The following PGAP1 variants were observed in gnomAD, a reference collection of about 807,000 sequenced individuals.
PGAP1 encodes post-GPI attachment to proteins inositol deacylase 1, also known as GPI inositol-deacylase.
In PGAP1, 76 loss-of-function variants were observed where a neutral mutation model predicts 127.0. That is an observed-to-expected ratio of 0.60 (90% CI 0.50 to 0.72). The LOEUF is 0.72. Ranked by LOEUF, PGAP1 falls within the 30% of genes least tolerant of loss-of-function variation. The pLI is 0.00. For synonymous variants in PGAP1, 362 were observed against 366.5 expected (o/e 0.99, Z 0.14); for missense variants, 982 against 1,071.3 (o/e 0.92, Z 1.16).
chr2:196,885,843 G>C lies in PGAP1; in HGVS notation c.1211C>G (p.Thr404Ser). 1 of 1,419,408 alleles carries C rather than the reference G, an allele frequency of 7.0e-7. No homozygotes were observed. The highest frequency in any genetic ancestry group is 9.2e-7 in the Non-Finnish European group (1 of 1,082,790). 87.9% of individuals were successfully genotyped at this position (1,419,408 alleles called of 1,614,324 possible). The change falls in exon 11 of 27, where the codon ACT (threonine) becomes AGT (serine). Residue 404 changes from threonine to serine, a missense_variant. By Grantham distance (58) the Thr-to-Ser change is moderately conservative (BLOSUM62 1). Coordinates refer to ENST00000354764, the MANE Select transcript of PGAP1 (RefSeq NM_024989.4). ...CATTCAAAAGACTTACCACATAGAA[G>C]TGCTGTTTATGCAAGCAAAAATCCA... is the stretch of plus-strand genomic sequence containing the variant. ...NSWIFACINS[T>S]SMCLQGVDLS...
At chr2:196,923,670 T>C (rs570537481) in intron 1 of PGAP1, among the ~76,000 whole-genome samples, 2 of 151,738 alleles carry the variant, frequency 1.3e-5, no homozygotes, top group African/African-American at 4.8e-5. Context: ...TTCTTTCTTT[T>C]TTTTTTTTTT....
chr2:196,833,514 A>C lies in PGAP1; in HGVS notation c.*7720T>G, dbSNP rs1255340220. 1 of 152,158 alleles carries C rather than the reference A, an allele frequency of 6.6e-6. No homozygotes were observed. The highest frequency in any genetic ancestry group is 1.5e-5 in the Non-Finnish European group (1 of 68,000). 9.4% of individuals were successfully genotyped at this position (152,158 alleles called of 1,614,324 possible). A position where few individuals can be genotyped will look rare whatever the true frequency, so the allele number is the denominator to read the frequency against. Reference sequence around the variant, plus strand: ...CATAACACATAGGTTGTCCTCTATAAATTTTTTAACTATAGTATAAAAATT... The same window carrying C: ...CATAACACATAGGTTGTCCTCTATACATTTTTTAACTATAGTATAAAAATT... On this transcript the variant is annotated 3_prime_UTR_variant, in exon 27 of 27. Coordinates refer to ENST00000354764, the MANE Select transcript of PGAP1 (RefSeq NM_024989.4).
At chr2:196,891,132 G>A (rs547439381) in intron 9 of PGAP1, among the ~76,000 whole-genome samples, 60 of 152,288 alleles carry the variant, frequency 3.9e-4, no homozygotes, top group African/African-American at 1.4e-3. Context: ...GTATCAGTGT[G>A]AATGTACTTT....
chr2:196,892,956 C>T lies in PGAP1; in HGVS notation c.1033+184G>A, dbSNP rs1702150632. The stretch of plus-strand genomic sequence containing the variant: ...AATCTCTTACATGTTGCTTCTTTTT[C>T]CCTTCCTAACCAAGAACTGCACCAG... On this transcript the variant is annotated intron_variant, in intron 8 of 26. Transcript: ENST00000354764. 2.0e-5 allele frequency among the ~76,000 whole-genome samples: 3 copies of T among 151,922 alleles called. No homozygotes were observed. In the South Asian group the frequency reaches 6.2e-4, roughly 32 times the overall value.
Position 196,921,052 on chromosome 2 carries a change from C to T in PGAP1, c.148-902G>A, listed in dbSNP as rs148143133. Reference sequence around the variant, plus strand: ...TAAGAGTGAAACCAATTACATTGGACGGTAATGTCTATTTAGGTATACATA... The same window carrying T: ...TAAGAGTGAAACCAATTACATTGGATGGTAATGTCTATTTAGGTATACATA... On this transcript the variant is annotated intron_variant, in intron 1 of 26. Transcript: ENST00000354764. Among the ~76,000 whole-genome samples, 200 of 151,900 alleles carry T rather than the reference C, an allele frequency of 1.3e-3. 1 individual carries two copies. The highest frequency in any genetic ancestry group is 2.1e-3 in the Non-Finnish European group (145 of 67,914).
At chr2:196,924,207 A>G (rs1381382405) in intron 1 of PGAP1, among the ~76,000 whole-genome samples, 1 of 152,180 alleles carries the variant, frequency 6.6e-6, no homozygotes, top group Non-Finnish European at 1.5e-5. Context: ...CCACCTTTCT[A>G]TTTCTGCTGG....
chr2:196,869,929 AAC>A (rs952918540), intron 19 of PGAP1, among the ~76,000 whole-genome samples: 1 of 152,220 alleles, frequency 6.6e-6, no homozygotes, highest in Non-Finnish European at 1.5e-5. Flanking sequence ...TGCAAAATAC[AAC>A]AGACCAAAAA....
intron 14 of PGAP1, among the ~76,000 whole-genome samples, chr2:196,874,507 G>A (rs902995876): frequency 6.6e-6 from 1 of 152,044 alleles, no homozygotes; most frequent in Non-Finnish European, 1.5e-5. Flanking sequence ...TATTCTCAAA[G>A]TATGTCACCC....
chr2:196,867,116 A>G (rs1006696315), intron 19 of PGAP1, among the ~76,000 whole-genome samples: 6 of 152,220 alleles, frequency 3.9e-5, no homozygotes, highest in Non-Finnish European at 5.9e-5. Flanking sequence ...CATTTCACCT[A>G]GCAATCCCAT....
chr2:196,881,927 T>C (rs141891734), intron 12 of PGAP1, among the ~76,000 whole-genome samples: 1 of 152,304 alleles, frequency 6.6e-6, no homozygotes, highest in Non-Finnish European at 1.5e-5. Flanking sequence ...TCTTTGCCCA[T>C]TCCTATGTCC....
At position 196,916,538 on chromosome 2, in the gene PGAP1, G is replaced by A. The variant is rs1703015333; in HGVS notation, c.357C>T (p.Tyr119=). The A allele has an allele frequency of 6.2e-7, 1 of 1,613,304 alleles. No individual in the cohort carries two copies. The highest frequency in any genetic ancestry group is 1.3e-5 in the African/African-American group (1 of 74,872). The change falls in exon 3 of 27, where the codon TAC becomes TAT. Residue 119 remains tyrosine (Y), a synonymous_variant. Transcript: ENST00000354764. The part of the protein sequence containing the change: ...LRKAEDIDFK[Y]HFDFFSVNFN... Reference sequence around the variant, plus strand: ...AGTTCACACTAAAGAAGTCAAAGTGGTACTTGAAGTCAATGTCCTCTGCTT... The same window carrying A: ...AGTTCACACTAAAGAAGTCAAAGTGATACTTGAAGTCAATGTCCTCTGCTT...
intron 1 of PGAP1, among the ~76,000 whole-genome samples, chr2:196,924,613 G>T (rs912718216): frequency 6.6e-6 from 1 of 152,052 alleles, no homozygotes; most frequent in African/African-American, 2.4e-5. Flanking sequence ...AAAAACTTCT[G>T]CCACTGTGAT....
At chr2:196,892,318 A>G in intron 9 of PGAP1, 28 bp downstream of exon 9, 1 of 1,200,026 alleles carries the variant, frequency 8.3e-7, no homozygotes, top group South Asian at 1.4e-5. Flanking sequence ...AAAAAACATG[A>G]AAAAAAATCC....
intron 3 of PGAP1, among the ~76,000 whole-genome samples, chr2:196,915,802 C>T (rs879854709): frequency 2.0e-5 from 3 of 152,196 alleles, no homozygotes; most frequent in Admixed American, 2.0e-4. Flanking sequence ...GAAAAACATA[C>T]ATTTTTAGAG....
At chr2:196,860,338 C>T (rs1302763857) in intron 20 of PGAP1, among the ~76,000 whole-genome samples, 3 of 152,058 alleles carry the variant, frequency 2.0e-5, no homozygotes, top group Non-Finnish European at 4.4e-5. Context: ...TTGAGACCAG[C>T]CTGGCCAACA....
chr2:196,866,243 A>G (rs1434168544), intron 19 of PGAP1, among the ~76,000 whole-genome samples: 1 of 152,210 alleles, frequency 6.6e-6, no homozygotes, highest in East Asian at 1.9e-4. Context: ...TACAGTAACC[A>G]AAACAATATG....
chr2:196,916,453 G>A lies in PGAP1; in HGVS notation c.442C>T (p.His148Tyr), dbSNP rs1364134988. 1.2e-6 allele frequency: 2 copies of A among 1,612,878 alleles called. No individual in the cohort carries two copies. Among genetic ancestry groups the A allele is most frequent in the South Asian group, 1.1e-5 (1 of 90,890 alleles). The change falls in exon 3 of 27, where the codon CAT becomes TAT. Residue 148 changes from histidine (H) to tyrosine (Y), a missense_variant. Coordinates refer to ENST00000354764, the MANE Select transcript of PGAP1 (RefSeq NM_024989.4). ...GSLQKQTKFV[H>Y]ECIKTILKLY... ...TTGAGAATTGTTTTAATACATTCATGTACAAACTTGGTCTGCTTCTGAAGA... is the reference window on the plus strand; with the variant it reads ...TTGAGAATTGTTTTAATACATTCATATACAAACTTGGTCTGCTTCTGAAGA...
chr2:196,833,671 G>A lies in PGAP1; in HGVS notation c.*7563C>T, dbSNP rs1001277354. On this transcript the variant is annotated 3_prime_UTR_variant, in exon 27 of 27. Coordinates refer to ENST00000354764, the MANE Select transcript of PGAP1 (RefSeq NM_024989.4). ...AGAGAAATCTATATTTTTGTCTGGC[G>A]AGTAGGTAGTGGAGGTAAAATGGGA... 2 of 152,040 alleles carry A rather than the reference G, an allele frequency of 1.3e-5. No individual in the cohort carries two copies. Among genetic ancestry groups the A allele is most frequent in the African/African-American group, 4.8e-5 (2 of 41,398 alleles). The allele number at this position is 152,040 out of a possible 1,614,324, so 9.4% of individuals were successfully genotyped here. A position where few individuals can be genotyped will look rare whatever the true frequency, so the allele number is the denominator to read the frequency against.
chr2:196,856,618 T>C (rs977512260), intron 20 of PGAP1, among the ~76,000 whole-genome samples: 8 of 152,194 alleles, frequency 5.3e-5, no homozygotes, highest in Non-Finnish European at 1.2e-4. Context: ...ATGGGCCACA[T>C]AAAAAGTTCA....
Sources: gnomAD v4.1 joint callset for allele counts (sites outside exome capture counted in the v4.1 genomes callset) on GRCh38, gnomAD v4.1.1 for gene constraint, MANE v1.5 for transcripts, NCBI Gene and HGNC (gene_info 2026-07-23, HGNC 2026-07-21) for gene names.